WDR36: variants seen among roughly 807,000 people sequenced by gnomAD.
WDR36 encodes the protein WD repeat domain 36.
WDR36 carries 63 observed loss-of-function variants against 112.7 expected under a neutral mutation model. The ratio of observed to expected loss-of-function variants is 0.56; its 90% CI spans 0.46 to 0.69. The LOEUF (loss-of-function observed/expected upper bound fraction) is 0.69, where lower values mean the gene tolerates loss of function less well. Among genes scored for constraint, WDR36 ranks in the 30% least tolerant of loss-of-function variants. The pLI is 0.00. For missense variants in WDR36, 1,226 were observed against 1,070.3 expected (o/e 1.15, Z -2.03); for synonymous variants, 410 against 362.2 (o/e 1.13, Z -1.50).
Position 111,098,749 on chromosome 5 carries a change from G to A in WDR36, c.319G>A (p.Ala107Thr), listed in dbSNP as rs756283539. The A allele has an allele frequency of 5.5e-5, 88 of 1,611,122 alleles. No individual in the cohort carries two copies. The highest frequency in any genetic ancestry group is 6.7e-5 in the Non-Finnish European group (79 of 1,177,762). ...AGTACATACCTTTAAGGGTCATAAG[G>A]CAGAAATCCATTTCTTGCAACCCTT... ...EIVHTFKGHK[A>T]EIHFLQPFGD... is the part of the protein sequence containing the mutation. The change falls in exon 4 of 23, where the codon GCA becomes ACA. Residue 107 changes from alanine (A) to threonine (T), a missense_variant. Physicochemically the swap from Ala to Thr is moderately conservative, Grantham distance 58. Transcript: ENST00000513710.
chr5:111,107,204 C>G, intron 11 of WDR36, 90 bp from the exon 12 acceptor site: 1 of 1,432,746 alleles, frequency 7.0e-7, no homozygotes, highest in Non-Finnish European at 9.6e-7. Flanking sequence ...CCATTGTATC[C>G]CTAGTGTCTG....
In WDR36 at chr5:111,130,221, CA is replaced by C. The variant is rs1335393466; in HGVS notation, c.*3340del. 2 of 205,092 alleles carry C rather than the reference CA, an allele frequency of 9.8e-6. No individual in the cohort carries two copies. The highest frequency in any genetic ancestry group is 1.5e-4 in the East Asian group (2 of 13,422). The allele number at this position is 205,092 out of a possible 1,614,324, so 12.7% of individuals were successfully genotyped here. ...CAGGACCCCTGTGGATACCAAAATC[CA>C]AGCAATGCCCTGCAGATCATGGGAC... On this transcript the variant is annotated 3_prime_UTR_variant, in exon 23 of 23. Transcript: ENST00000513710.
At position 111,127,152 on chromosome 5, in the gene WDR36, C is replaced by G. The variant is rs1753691929; in HGVS notation, c.*269C>G. ...AGGAATTTGAGCCCAGCCTGGGCAA[C>G]ATAGCAAGCAAGATCCCATCTCTAC... On this transcript the variant is annotated 3_prime_UTR_variant, in exon 23 of 23. Coordinates refer to ENST00000513710, the MANE Select transcript of WDR36 (RefSeq NM_139281.3). The G allele has an allele frequency of 1.5e-5, 5 of 330,032 alleles. No individual in the cohort carries two copies. In the East Asian group the frequency reaches 2.4e-4, roughly 16 times the overall value. The allele number at this position is 330,032 out of a possible 1,614,324, so 20.4% of individuals were successfully genotyped here. A position where few individuals can be genotyped will look rare whatever the true frequency, so the allele number is the denominator to read the frequency against.
chr5:111,114,884 G>T (rs566766423), intron 16 of WDR36, among the ~76,000 whole-genome samples: 1 of 152,058 alleles, frequency 6.6e-6, no homozygotes, highest in African/African-American at 2.4e-5. Flanking sequence ...TAGTGAGAGA[G>T]ATAGATTATT....
Position 111,103,794 on chromosome 5 carries a change from C to G in WDR36, c.606C>G (p.Ala202=), listed in dbSNP as rs774244948. The change falls in exon 7 of 23, where the codon GCC becomes GCG. Residue 202 remains alanine, a synonymous_variant. Coordinates refer to ENST00000513710, the MANE Select transcript of WDR36 (RefSeq NM_139281.3). The stretch of plus-strand genomic sequence containing the variant: ...AATAATTTAATTTTTAGGCACCAGC[C>G]GTGGATGTTGTTGCTATTGGTCTTA... ...VGVTALQQAP[A]VDVVAIGLMS... 2 of 1,610,718 alleles carry G rather than the reference C, an allele frequency of 1.2e-6. No homozygotes were observed. Among genetic ancestry groups the G allele is most frequent in the Non-Finnish European group, 1.7e-6 (2 of 1,177,860 alleles).
intron 6 of WDR36, among the ~76,000 whole-genome samples, chr5:111,103,048 T>C (rs1753152452): frequency 6.6e-6 from 1 of 151,618 alleles, no homozygotes; most frequent in Admixed American, 6.6e-5. Flanking sequence ...GAAGACTCCA[T>C]AAGTATCAGA....
chr5:111,106,739 T>TA (rs1264751697), intron 11 of WDR36, among the ~76,000 whole-genome samples: 2 of 151,370 alleles, frequency 1.3e-5, no homozygotes, highest in African/African-American at 2.4e-5. Context: ...AGTGGCTTCT[T>TA]AACACCTTTA....
chr5:111,101,835 A>G (rs1455004344), intron 5 of WDR36, among the ~76,000 whole-genome samples: 2 of 151,832 alleles, frequency 1.3e-5, no homozygotes, highest in South Asian at 4.1e-4. Flanking sequence ...TACAGAATTT[A>G]ATACATGATT....
intron 15 of WDR36, 193 bp downstream of exon 15, chr5:111,111,471 A>T (rs1193707459): frequency 3.7e-6 from 2 of 544,072 alleles, no homozygotes; most frequent in Non-Finnish European, 6.5e-6. Context: ...GATCAAATTA[A>T]AGTATAAGTT....
intron 12 of WDR36, among the ~76,000 whole-genome samples, chr5:111,108,103 G>C (rs1753255411): frequency 6.6e-6 from 1 of 151,008 alleles, no homozygotes; most frequent in Non-Finnish European, 1.5e-5. Context: ...ATGAACATGG[G>C]GTGTTTTTCC....
At chr5:111,107,887 G>C (rs1305687907) in intron 12 of WDR36, among the ~76,000 whole-genome samples, 1 of 151,286 alleles carries the variant, frequency 6.6e-6, no homozygotes, top group African/African-American at 2.4e-5. Flanking sequence ...GATTTTGATA[G>C]CTTTGTGGTA....
At chr5:111,111,463 T>G in intron 15 of WDR36, 185 bp downstream of exon 15, 1 of 564,274 alleles carries the variant, frequency 1.8e-6, no homozygotes, top group Non-Finnish European at 3.1e-6. Context: ...GTTGATGCGA[T>G]CAAATTAAAG....
intron 15 of WDR36, among the ~76,000 whole-genome samples, chr5:111,111,892 A>G (rs1310763555): frequency 1.3e-5 from 2 of 151,920 alleles, no homozygotes; most frequent in African/African-American, 4.8e-5. Context: ...TCTTTCATCA[A>G]TTGCAGATAC....
intron 22 of WDR36, among the ~76,000 whole-genome samples, chr5:111,126,444 C>G (rs1457508481): frequency 6.6e-6 from 1 of 151,952 alleles, no homozygotes; most frequent in Non-Finnish European, 1.5e-5. Flanking sequence ...CCCATTTATA[C>G]CTAAAATGAG....
chr5:111,099,369 A>G (rs1438151812), intron 4 of WDR36, among the ~76,000 whole-genome samples: 2 of 151,200 alleles, frequency 1.3e-5, no homozygotes, highest in Admixed American at 1.3e-4. Context: ...TCAATAAAAT[A>G]CTGGGTTCAT....
At chr5:111,110,334 A>G in intron 13 of WDR36, 31 bp downstream of exon 13, 2 of 1,515,406 alleles carry the variant, frequency 1.3e-6, no homozygotes, top group Middle Eastern at 1.7e-4. Flanking sequence ...TTTTTTATTA[A>G]TGTAGATAGA....
chr5:111,107,505 C>G (rs1753243424), intron 12 of WDR36, 66 bp downstream of exon 12: 7 of 1,576,166 alleles, frequency 4.4e-6, no homozygotes, highest in Non-Finnish European at 6.1e-6. Flanking sequence ...TTGTTATACT[C>G]AAGGTTTCTC....
intron 3 of WDR36, among the ~76,000 whole-genome samples, chr5:111,098,250 A>C (rs1003406331): frequency 6.6e-6 from 1 of 152,210 alleles, no homozygotes; most frequent in Non-Finnish European, 1.5e-5. Flanking sequence ...TGGAGGGATC[A>C]GCTACTGTAA....
rs201288071 is a variant in WDR36 at position 111,121,057 on chromosome 5, A to G, written c.2064A>G (p.Pro688=). ...PSDELIEYDS[P]EQLNEQLVTL... is the part of the protein sequence containing the mutation. ...ATGAATTGATAGAATATGATTCGCC[A>G]GAACAGTTGAATGAGCAATTGGTGA... is the stretch of plus-strand genomic sequence containing the variant. The change falls in exon 19 of 23, where the codon CCA becomes CCG. Residue 688 remains proline, a synonymous_variant. Coordinates refer to ENST00000513710, the MANE Select transcript of WDR36 (RefSeq NM_139281.3). The G allele has an allele frequency of 3.9e-4, 637 of 1,613,656 alleles. 14 individuals carry two copies. In the East Asian group the frequency reaches 0.014, roughly 35 times the overall value.
Sources: allele counts gnomAD v4.1 joint callset (sites outside exome capture counted in the v4.1 genomes callset), GRCh38; gene constraint gnomAD v4.1.1; transcripts MANE v1.5; gene names NCBI Gene and HGNC (gene_info 2026-07-23, HGNC 2026-07-21).